The following ZPBP variants were observed in gnomAD, a reference collection of about 807,000 sequenced individuals.
The protein encoded by ZPBP is zona pellucida binding protein, also known as zona pellucida-binding protein 1.
In ZPBP, 26 loss-of-function variants were observed where a neutral mutation model predicts 44.8. The observed-to-expected ratio is 0.58, with a 90% confidence interval of 0.43 to 0.81. The LOEUF (loss-of-function observed/expected upper bound fraction) is 0.81, where lower values mean the gene tolerates loss of function less well. Ranked by LOEUF, ZPBP falls within the 30% of genes least tolerant of loss-of-function variation. ZPBP has a pLI of 0.00. For missense variants in ZPBP, 409 were observed against 434.0 expected (o/e 0.94, Z 0.51); for synonymous variants, 174 against 153.2 (o/e 1.14, Z -1.00).
intron 7 of ZPBP, among the ~76,000 whole-genome samples, chr7:49,953,626 G>C (rs899588274): frequency 6.6e-6 from 1 of 151,998 alleles, no homozygotes; most frequent in African/African-American, 2.4e-5. Context: ...AAATTTTTAG[G>C]AACATCAAAA....
At chr7:49,874,053 T>C (rs1294259181) in intron 2 of ZPBP, among the ~76,000 whole-genome samples, 1 of 152,028 alleles carries the variant, frequency 6.6e-6, no homozygotes, top group Non-Finnish European at 1.5e-5. Context: ...ATACATGGCA[T>C]ATTTTGCTAG....
chr7:50,045,253 C>T (rs1359568423), intron 4 of ZPBP, among the ~76,000 whole-genome samples: 1 of 152,124 alleles, frequency 6.6e-6, no homozygotes, highest in Admixed American at 6.5e-5. Context: ...ACAAGGATGC[C>T]CTCTCTCACC....
At chr7:49,941,557 A>T (rs1794885184) in intron 7 of ZPBP, among the ~76,000 whole-genome samples, 1 of 152,178 alleles carries the variant, frequency 6.6e-6, no homozygotes, top group South Asian at 2.1e-4. Context: ...ATACAATCAA[A>T]TAATATTTAG....
Position 49,952,540 on chromosome 7 carries a change from A to G in ZPBP, c.962-14918T>C, listed in dbSNP as rs561755980. 4.6e-5 allele frequency among the ~76,000 whole-genome samples: 7 copies of G among 152,120 alleles called. No homozygotes were observed. In the South Asian group the frequency reaches 1.2e-3, roughly 27 times the overall value. ...GGTAAATGAGTTTTAATAAATAGAAACTCTCATAGCTATACAGGAAACAAA... is the reference window on the plus strand; with the variant it reads ...GGTAAATGAGTTTTAATAAATAGAAGCTCTCATAGCTATACAGGAAACAAA... On this transcript the variant is annotated intron_variant, in intron 7 of 7. Coordinates refer to ENST00000046087, the MANE Select transcript of ZPBP (RefSeq NM_007009.3).
intron 3 of ZPBP, among the ~76,000 whole-genome samples, chr7:50,079,672 T>C (rs1381751715): frequency 6.6e-6 from 1 of 151,706 alleles, no homozygotes; most frequent in African/African-American, 2.4e-5. Flanking sequence ...ATGTATTGTA[T>C]ACTTGAAATT....
At chr7:49,897,438 T>C (rs1254465149) in intron 2 of ZPBP, among the ~76,000 whole-genome samples, 1 of 152,198 alleles carries the variant, frequency 6.6e-6, no homozygotes, top group Non-Finnish European at 1.5e-5. Context: ...AAGAATTGCA[T>C]GCCAAGAACA....
intron 3 of ZPBP, among the ~76,000 whole-genome samples, chr7:50,072,684 C>T (rs1239025482): frequency 6.6e-6 from 1 of 152,230 alleles, no homozygotes; most frequent in Non-Finnish European, 1.5e-5. Flanking sequence ...AAACAAGAAT[C>T]CCTGCCTGGT....
chr7:49,947,553 C>A lies in ZPBP; in HGVS notation c.962-9931G>T, dbSNP rs574151366. On this transcript the variant is annotated intron_variant, in intron 7 of 7. Transcript: ENST00000046087. ...CTTGTTCTCTTCTCTTATTTTCCTG[C>A]AAACAAACAGAGTCTCTCTGTGTGT... Among the ~76,000 whole-genome samples, 124 of 152,300 alleles carry A rather than the reference C, an allele frequency of 8.1e-4. 2 individuals are homozygous for A. In the Middle Eastern group the frequency reaches 0.01, roughly 13 times the overall value.
chr7:49,911,918 TACACGCACAC>T, intron 1 of ZPBP: 1 of 222,948 alleles, frequency 4.5e-6, no homozygotes, highest in South Asian at 1.5e-4. Flanking sequence ...AACAAACAAA[TACACGCACAC>T]ACACACACAC....
intron 6 of ZPBP, 75 bp downstream of exon 6, chr7:50,018,165 G>A: frequency 9.4e-7 from 1 of 1,066,646 alleles, no homozygotes; most frequent in Admixed American, 1.7e-5. Context: ...TTTATAAATA[G>A]CTAGGATGCT....
the ZPBP span, among the ~76,000 whole-genome samples, chr7:49,841,285 A>G: frequency 6.6e-6 from 1 of 151,278 alleles, no homozygotes; most frequent in Non-Finnish European, 1.5e-5. Flanking sequence ...ATTTGCTGAA[A>G]CAGCCTAAGA....
At position 50,000,034 on chromosome 7, in the gene ZPBP, G is replaced by A. The variant is rs1244321; in HGVS notation, c.784-16515C>T. On this transcript the variant is annotated intron_variant, in intron 6 of 7. Transcript: ENST00000046087. Reference sequence around the variant, plus strand: ...GGAGGGTAGATAGAAGTAAATAGATGTAAGGCTTCTACACTTTATTTTTAA... The same window carrying A: ...GGAGGGTAGATAGAAGTAAATAGATATAAGGCTTCTACACTTTATTTTTAA... Among the ~76,000 whole-genome samples, 569 of 152,158 alleles carry A rather than the reference G, an allele frequency of 3.7e-3. 2 individuals are homozygous for A. Among genetic ancestry groups the A allele is most frequent in the African/African-American group, 0.013 (542 of 41,498 alleles).
rs750578666 is a variant in ZPBP, at chr7:50,093,051, G to A, written c.127+17C>T. 13 of 1,595,274 alleles carry A rather than the reference G, an allele frequency of 8.1e-6. No individual in the cohort carries two copies. In the East Asian group the frequency reaches 2.7e-4, roughly 33 times the overall value. On this transcript the variant is annotated intron_variant, in intron 1 of 7. Coordinates refer to ENST00000046087, the MANE Select transcript of ZPBP (RefSeq NM_007009.3). Reference sequence around the variant, plus strand: ...CGGTTGTCCCTGCGGAGCCGGCAGGGCGGCGCGGACCCTCACCTGATGAGG... The same window carrying A: ...CGGTTGTCCCTGCGGAGCCGGCAGGACGGCGCGGACCCTCACCTGATGAGG...
At chr7:50,001,197 T>C (rs1798080941) in intron 6 of ZPBP, among the ~76,000 whole-genome samples, 1 of 152,154 alleles carries the variant, frequency 6.6e-6, no homozygotes, top group Non-Finnish European at 1.5e-5. Flanking sequence ...AAACTAATCT[T>C]TCATCTTATT....
At chr7:50,078,388 A>G (rs2128849394) in intron 3 of ZPBP, among the ~76,000 whole-genome samples, 1 of 151,762 alleles carries the variant, frequency 6.6e-6, no homozygotes, top group Admixed American at 6.6e-5. Context: ...AAATAACTTA[A>G]AGAATGTAAT....
chr7:49,848,110 A>T (rs990369390), downstream of ZPBP, among the ~76,000 whole-genome samples: 1 of 152,198 alleles, frequency 6.6e-6, no homozygotes, highest in Admixed American at 6.5e-5. Context: ...GAAATGTAAC[A>T]GGAGTCAGCT....
chr7:49,977,755 T>C (rs990412873), intron 7 of ZPBP, among the ~76,000 whole-genome samples: 1 of 152,214 alleles, frequency 6.6e-6, no homozygotes. Context: ...GCAAACAGTC[T>C]GCTACCTCAG....
chr7:49,972,998 T>C (rs908584467), intron 7 of ZPBP, among the ~76,000 whole-genome samples: 2 of 151,954 alleles, frequency 1.3e-5, no homozygotes, highest in African/African-American at 2.4e-5. Flanking sequence ...TTTCAACAAA[T>C]GGTGCTGTCA....
intron 2 of ZPBP, among the ~76,000 whole-genome samples, chr7:49,855,176 T>G (rs1300957150): frequency 1.3e-5 from 2 of 152,248 alleles, no homozygotes; most frequent in East Asian, 1.9e-4. Flanking sequence ...AATTATCATA[T>G]TTCTTAGTTC....
Sources: gnomAD v4.1 joint callset for allele counts (sites outside exome capture counted in the v4.1 genomes callset) on GRCh38, gnomAD v4.1.1 for gene constraint, MANE v1.5 for transcripts, NCBI Gene and HGNC (gene_info 2026-07-23, HGNC 2026-07-21) for gene names.